CDK6: variants seen among roughly 807,000 people sequenced by gnomAD.
CDK6 encodes the protein cyclin-dependent kinase 6.
A neutral mutation model predicts 37.1 loss-of-function variants in CDK6; 6 were observed. The observed-to-expected ratio is 0.16, with a 90% CI of 0.09 to 0.32. CDK6 has a LOEUF of 0.32. Ranked by LOEUF, CDK6 falls within the 10% of genes least tolerant of loss-of-function variation. The probability of loss-of-function intolerance (pLI) is 1.00; values close to 1 mark genes in which losing one functional copy is unlikely to be tolerated. For missense variants in CDK6, 224 were observed against 418.9 expected, an observed-to-expected ratio of 0.53 and a Z score of 4.06; for synonymous variants, 160 against 161.3, an observed-to-expected ratio of 0.99 and a Z score of 0.06.
At chr7:92,682,609 G>C (rs1373315881) in intron 4 of CDK6, among the ~76,000 whole-genome samples, 4 of 152,196 alleles carry the variant, frequency 2.6e-5, no homozygotes, top group African/African-American at 9.7e-5. Flanking sequence ...CCCTCGCAGA[G>C]TGTTGTATAA....
At chr7:92,761,328 T>C (rs931341536) in intron 3 of CDK6, among the ~76,000 whole-genome samples, 1 of 152,292 alleles carries the variant, frequency 6.6e-6, no homozygotes, top group Admixed American at 6.5e-5. Context: ...ATAAAGTATT[T>C]AGACTGTGTA....
chr7:92,662,075 C>T (rs948296220), intron 5 of CDK6, among the ~76,000 whole-genome samples: 3 of 151,876 alleles, frequency 2.0e-5, no homozygotes, highest in Non-Finnish European at 4.4e-5. Context: ...TTGACTCTTA[C>T]GAGGCAAGTC....
intron 5 of CDK6, among the ~76,000 whole-genome samples, chr7:92,663,429 G>A (rs775346148): frequency 6.6e-5 from 10 of 152,086 alleles, no homozygotes; most frequent in African/African-American, 1.4e-4. Flanking sequence ...ATCAGGCCAG[G>A]CACGGTGCCT....
intron 2 of CDK6, among the ~76,000 whole-genome samples, chr7:92,821,257 C>G (rs1801165274): frequency 6.6e-6 from 1 of 152,086 alleles, no homozygotes; most frequent in South Asian, 2.1e-4. Flanking sequence ...CCTTCGCCAA[C>G]CAACTTGCAT....
chr7:92,625,004 G>T (rs1038008733), intron 5 of CDK6, among the ~76,000 whole-genome samples: 1 of 151,910 alleles, frequency 6.6e-6, no homozygotes, highest in Non-Finnish European at 1.5e-5. Context: ...GAAAGGGTCT[G>T]TTTGGCGATG....
chr7:92,784,853 G>A (rs1288273726), intron 2 of CDK6, among the ~76,000 whole-genome samples: 1 of 152,176 alleles, frequency 6.6e-6, no homozygotes, highest in African/African-American at 2.4e-5. Context: ...TTAGGGAAAA[G>A]TCAAAGTAAA....
intron 5 of CDK6, among the ~76,000 whole-genome samples, chr7:92,665,232 G>A (rs1348296300): frequency 6.6e-6 from 1 of 152,006 alleles, no homozygotes; most frequent in Admixed American, 6.5e-5. Flanking sequence ...TTATTTTGCT[G>A]TATAGTTAAA....
chr7:92,754,822 ACAGTCAG>A (rs1799273150), intron 3 of CDK6, among the ~76,000 whole-genome samples: 1 of 152,168 alleles, frequency 6.6e-6, no homozygotes, highest in South Asian at 2.1e-4. Context: ...AGAAGGGTTG[ACAGTCAG>A]CAAGATGGAT....
At chr7:92,715,223 G>T (rs1200047556) in intron 4 of CDK6, among the ~76,000 whole-genome samples, 2 of 151,984 alleles carry the variant, frequency 1.3e-5, no homozygotes, top group Non-Finnish European at 2.9e-5. Flanking sequence ...TTTTTAAAAA[G>T]AATTTAAGAC....
rs779357175 is a variant in CDK6, at chr7:92,611,063, G to A, written c.*4077C>T. ...TAGTATAAATTTTTACAATATATTT[G>A]TTCATAAAGAATATATCCTTCAAAA... On this transcript the variant is annotated 3_prime_UTR_variant, in exon 8 of 8. Coordinates refer to ENST00000424848, the MANE Select transcript of CDK6 (RefSeq NM_001145306.2). The A allele has an allele frequency of 7.6e-5, 17 of 225,148 alleles. No homozygotes were observed. Among genetic ancestry groups the A allele is most frequent in the Middle Eastern group, 2.7e-3 (2 of 746 alleles). The allele number at this position is 225,148 out of a possible 1,614,324, so 13.9% of individuals were successfully genotyped here.
chr7:92,622,764 A>T (rs1377155608), intron 6 of CDK6, among the ~76,000 whole-genome samples: 3 of 152,046 alleles, frequency 2.0e-5, no homozygotes, highest in Admixed American at 6.6e-5. Context: ...ATTTGAACTA[A>T]AAGAACTGGA....
intron 5 of CDK6, among the ~76,000 whole-genome samples, chr7:92,634,455 G>C (rs1352254913): frequency 2.0e-5 from 3 of 150,956 alleles, no homozygotes; most frequent in African/African-American, 7.3e-5. Flanking sequence ...GTGCTTGGTA[G>C]CAGGAGTTTC....
rs544318280 is a variant in CDK6 at position 92,777,536 on chromosome 7, G to A, written c.234-2705C>T. Among the ~76,000 whole-genome samples the A allele has an allele frequency of 2.0e-4, 30 of 152,298 alleles. No individual in the cohort carries two copies. In the South Asian group the frequency reaches 4.4e-3, roughly 22 times the overall value. Reference sequence around the variant, plus strand: ...GTTGGGATTACAGGTGTGAGCCACCGTGCCCAGCCATGTGGCATTATTTCT... The same window carrying A: ...GTTGGGATTACAGGTGTGAGCCACCATGCCCAGCCATGTGGCATTATTTCT... On this transcript the variant is annotated intron_variant, in intron 2 of 7. Transcript: ENST00000424848.
At chr7:92,737,901 A>C (rs181149704) in intron 3 of CDK6, among the ~76,000 whole-genome samples, 1 of 152,320 alleles carries the variant, frequency 6.6e-6, no homozygotes, top group African/African-American at 2.4e-5. Flanking sequence ...AAAAGAAAAG[A>C]AACCCTTGTA....
At chr7:92,703,041 C>T (rs1037249336) in intron 4 of CDK6, among the ~76,000 whole-genome samples, 4 of 152,086 alleles carry the variant, frequency 2.6e-5, no homozygotes, top group Non-Finnish European at 4.4e-5. Flanking sequence ...TAAAATCATC[C>T]CTAATCGAGA....
rs1441126500 is a variant in CDK6, at chr7:92,735,865, TTGG to T, written c.370-10075_370-10073del. On this transcript the variant is annotated intron_variant, in intron 3 of 7. Transcript: ENST00000424848. ...AGCCATAATCCTGCATTGTGGCTTA[TTGG>T]TTATTCACTAAGAATTTACTGACTG... Among the ~76,000 whole-genome samples the T allele has an allele frequency of 2.6e-5, 4 of 152,208 alleles. No individual in the cohort carries two copies. The East Asian group carries it at 7.7e-4, about 29-fold the overall frequency.
At chr7:92,816,182 C>T (rs1464066707) in intron 2 of CDK6, among the ~76,000 whole-genome samples, 1 of 152,094 alleles carries the variant, frequency 6.6e-6, no homozygotes, top group East Asian at 1.9e-4. Context: ...CATTATTAGA[C>T]ATGCAGCCAT....
chr7:92,632,815 T>C (rs547038213), intron 5 of CDK6, among the ~76,000 whole-genome samples: 78 of 152,050 alleles, frequency 5.1e-4, no homozygotes, highest in African/African-American at 1.7e-3. Context: ...TTATAAAATA[T>C]ATACGCATTG....
chr7:92,609,006 C>A lies in CDK6; in HGVS notation c.*6134G>T, dbSNP rs1203842079. ...TGGAATTCGGCCTTTCGCATAGGGG[C>A]TTTAACTGGACTCTAGTTCCTGGGA... On this transcript the variant is annotated 3_prime_UTR_variant, in exon 8 of 8. Coordinates refer to ENST00000424848, the MANE Select transcript of CDK6 (RefSeq NM_001145306.2). 5 of 233,194 alleles carry A rather than the reference C, an allele frequency of 2.1e-5. No individual in the cohort carries two copies. The highest frequency in any genetic ancestry group is 4.2e-5 in the Non-Finnish European group (5 of 118,130). The allele number at this position is 233,194 out of a possible 1,614,324, so 14.4% of individuals were successfully genotyped here.
Sources: allele counts gnomAD v4.1 joint callset (sites outside exome capture counted in the v4.1 genomes callset), GRCh38; gene constraint gnomAD v4.1.1; transcripts MANE v1.5; gene names NCBI Gene and HGNC (gene_info 2026-07-23, HGNC 2026-07-21).